Variants in PHF3 observed in about 807,000 individuals in gnomAD.
PHF3 encodes the protein PHD finger protein 3.
In PHF3, 41 loss-of-function variants were observed where a neutral mutation model predicts 178.4. The ratio of observed to expected loss-of-function variants is 0.23; its 90% CI spans 0.18 to 0.30. The LOEUF is 0.30. Ranked by LOEUF, PHF3 falls within the 10% of genes least tolerant of loss-of-function variation. PHF3 has a pLI of 1.00. For synonymous variants in PHF3, 842 were observed against 800.5 expected (o/e 1.05, Z -0.88); for missense variants, 2,346 against 2,398.1 (o/e 0.98, Z 0.45).
At chr6:63,708,322 A>G (rs769122307) in intron 13 of PHF3, among the ~76,000 whole-genome samples, 6 of 152,290 alleles carry the variant, frequency 3.9e-5, no homozygotes, top group East Asian at 1.9e-4. Context: ...TGGTCAGTCC[A>G]TGGTGAAGAT....
intron 6 of PHF3, among the ~76,000 whole-genome samples, chr6:63,696,073 C>T (rs1362929688): frequency 6.6e-6 from 1 of 152,150 alleles, no homozygotes; most frequent in Admixed American, 6.5e-5. Flanking sequence ...TGGCATGATG[C>T]ACAAAGGCAA....
chr6:63,672,884 C>G (rs1319039666), intron 2 of PHF3, among the ~76,000 whole-genome samples: 1 of 152,148 alleles, frequency 6.6e-6, no homozygotes, highest in Non-Finnish European at 1.5e-5. Context: ...GTAACCAATC[C>G]AGCTGTTTCT....
rs528742469 is a variant in PHF3 at position 63,717,828 on chromosome 6, A to T, written c.*4120A>T. Among the ~76,000 whole-genome samples the T allele has an allele frequency of 6.6e-6, 1 of 152,186 alleles. No homozygotes were observed. Among genetic ancestry groups the T allele is most frequent in the African/African-American group, 2.4e-5 (1 of 41,554 alleles). ...TTAAGATAATTTTGTCCTCAAAGTA[A>T]TGATTTTTTTCAGGAACTTATTATT... On this transcript the variant is annotated 3_prime_UTR_variant, in exon 16 of 16. Transcript: ENST00000262043.
rs532398796 is a variant in PHF3 at position 63,692,128 on chromosome 6, G to A, written c.2496+85G>A. The A allele has an allele frequency of 3.2e-5, 31 of 970,776 alleles. 2 individuals carry two copies. The South Asian group carries it at 5.8e-4, about 18-fold the overall frequency. 60.1% of individuals were successfully genotyped at this position (970,776 alleles called of 1,614,324 possible). On this transcript the variant is annotated intron_variant, in intron 5 of 15. Transcript: ENST00000262043. ...GCAATAATTTTGAAATTTCTCTTTAGAAGTTTTAATGTTCTTTTACATTTT... is the reference window on the plus strand; with the variant it reads ...GCAATAATTTTGAAATTTCTCTTTAAAAGTTTTAATGTTCTTTTACATTTT...
chr6:63,638,687 A>C (rs567630901), intron 1 of PHF3, among the ~76,000 whole-genome samples: 40 of 151,876 alleles, frequency 2.6e-4, no homozygotes, highest in Admixed American at 3.9e-4. Context: ...TGGCTGCTGG[A>C]TTTTTTTCTT....
Position 63,635,909 on chromosome 6 carries a change from C to A in PHF3, c.-267C>A, listed in dbSNP as rs934110012. ...CCGTCCCCACGCGGCAAGCGACCTT[C>A]GGGCTCAGGGCGGCGGCGGCTGCAA... On this transcript the variant is annotated 5_prime_UTR_variant, in exon 1 of 16. It introduces an in-frame stop codon into an upstream open reading frame of the 5' UTR. Transcript: ENST00000262043. The A allele has an allele frequency of 7.5e-6, 3 of 397,868 alleles. No individual in the cohort carries two copies. Among genetic ancestry groups the A allele is most frequent in the Admixed American group, 8.8e-5 (2 of 22,674 alleles). 24.6% of individuals were successfully genotyped at this position (397,868 alleles called of 1,614,324 possible). A position where few individuals can be genotyped will look rare whatever the true frequency, so the allele number is the denominator to read the frequency against.
rs1169858451 is a variant in PHF3, at chr6:63,698,365, G to T, written c.2823G>T (p.Lys941Asn). The T allele has an allele frequency of 6.2e-7, 1 of 1,605,266 alleles. No homozygotes were observed. The highest frequency in any genetic ancestry group is 8.5e-7 in the Non-Finnish European group (1 of 1,175,162). ...ATTCTCTCAAAGACATTCTTATGAAGAGGTAACATATATTTTTATTATAGA... is the reference window on the plus strand; with the variant it reads ...ATTCTCTCAAAGACATTCTTATGAATAGGTAACATATATTTTTATTATAGA... ...VRHSLKDILM[K>N]RLTDSNLKVP... Residue 941 changes from lysine (K) to asparagine (N), a missense_variant and splice_region_variant, in exon 7 of 16, where the codon AAG becomes AAT. Physicochemically the swap from Lys to Asn is moderately conservative, Grantham distance 94 (BLOSUM62 0). Around this residue, in one of 8 missense-constraint regions of PHF3, gnomAD observed 252 missense variants for 232.0 expected, o/e 1.09. Coordinates refer to ENST00000262043, the MANE Select transcript of PHF3 (RefSeq NM_001370348.2).
chr6:63,706,528 T>A (rs1268187101), intron 12 of PHF3, among the ~76,000 whole-genome samples: 2 of 152,226 alleles, frequency 1.3e-5, no homozygotes, highest in Non-Finnish European at 2.9e-5. Context: ...TTAGTTCTCC[T>A]AAGCCAGCCA....
intron 3 of PHF3, among the ~76,000 whole-genome samples, chr6:63,683,408 ACT>A (rs1172752650): frequency 2.0e-5 from 3 of 151,560 alleles, no homozygotes; most frequent in Non-Finnish European, 2.9e-5. Flanking sequence ...GGGAAATGAA[ACT>A]CTTTTCATTT....
At position 63,646,658 on chromosome 6, in the gene PHF3, C is replaced by A. The variant is rs1275087844; in HGVS notation, c.107C>A (p.Ala36Glu). The A allele has an allele frequency of 6.2e-7, 1 of 1,613,632 alleles. No individual in the cohort carries two copies. The highest frequency in any genetic ancestry group is 2.2e-5 in the East Asian group (1 of 44,844). Reference sequence around the variant, plus strand: ...AATGAAGTCTGTGAGGATTTTAGTGCAAGTCAAAATGTCTTAGAGGACTCG... The same window carrying A: ...AATGAAGTCTGTGAGGATTTTAGTGAAAGTCAAAATGTCTTAGAGGACTCG... The part of the protein sequence containing the change: ...LENEVCEDFS[A>E]SQNVLEDSLK... Residue 36 changes from alanine (A) to glutamate (E), a missense_variant, in exon 2 of 16, where the codon GCA (alanine) becomes GAA (glutamate). Physicochemically the swap from Ala to Glu is moderately radical, Grantham distance 107 (BLOSUM62 -1). Around this residue, in one of 8 missense-constraint regions of PHF3, gnomAD observed 843 missense variants for 795.2 expected, o/e 1.06. Transcript: ENST00000262043.
intron 13 of PHF3, among the ~76,000 whole-genome samples, chr6:63,707,927 C>T (rs186676150): frequency 1.8e-4 from 27 of 151,916 alleles, no homozygotes; most frequent in Non-Finnish European, 3.8e-4. Context: ...AGTGCAGTGG[C>T]GTGATCTTGG....
At position 63,711,702 on chromosome 6, in the gene PHF3, CCACCAATAG is replaced by C; in HGVS notation, c.4117_4125del (p.Pro1373_Ala1375del). 1 of 1,613,870 alleles carries C rather than the reference CCACCAATAG, an allele frequency of 6.2e-7. No homozygotes were observed. The highest frequency in any genetic ancestry group is 8.5e-7 in the Non-Finnish European group (1 of 1,179,856). On this transcript the variant is annotated inframe_deletion, in exon 16 of 16. Transcript: ENST00000262043. The stretch of plus-strand genomic sequence containing the variant: ...TATAGCTGAGACTCCTGAAAGTGCA[CCACCAATAG>C]CATTGCCACCTGATAAAAAAAGTAA...
intron 5 of PHF3, among the ~76,000 whole-genome samples, chr6:63,694,289 A>T (rs942271895): frequency 4.6e-5 from 7 of 152,198 alleles, no homozygotes; most frequent in African/African-American, 1.7e-4. Flanking sequence ...GAATATAGAT[A>T]CTTGTTTCTT....
Position 63,684,779 on chromosome 6 carries a change from C to T in PHF3, c.1057C>T (p.Pro353Ser). The change falls in exon 4 of 16, where the codon CCA (proline) becomes TCA (serine). Residue 353 changes from proline to serine, a missense_variant. Pro to Ser is a moderately conservative substitution (Grantham distance 74, BLOSUM62 -1). Transcript: ENST00000262043. ...TTCTAGTGATGCTGCTTGTACAAAT[C>T]CAAATAAGACAGAAAACAGCCTTGT... ...DISSDAACTNPNKTENSLVGL... is the reference protein window; with the variant it reads ...DISSDAACTNSNKTENSLVGL... The T allele has an allele frequency of 1.2e-6, 2 of 1,613,944 alleles. No homozygotes were observed. The highest frequency in any genetic ancestry group is 4.5e-5 in the East Asian group (2 of 44,864).
intron 2 of PHF3, among the ~76,000 whole-genome samples, chr6:63,653,033 TGTGG>T (rs1765083972): frequency 6.6e-6 from 1 of 150,896 alleles, no homozygotes; most frequent in Non-Finnish European, 1.5e-5. Context: ...TTTTTTTTTT[TGTGG>T]TTCTGTGTAT....
intron 4 of PHF3, among the ~76,000 whole-genome samples, chr6:63,689,270 T>C (rs1766888812): frequency 6.6e-6 from 1 of 152,170 alleles, no homozygotes; most frequent in Admixed American, 6.5e-5. Context: ...TTTCATGTTA[T>C]TTACCTTGTG....
At chr6:63,652,027 T>G (rs1326471790) in intron 2 of PHF3, among the ~76,000 whole-genome samples, 1 of 152,220 alleles carries the variant, frequency 6.6e-6, no homozygotes, top group Non-Finnish European at 1.5e-5. Context: ...GCAGAGATAC[T>G]GATTTCTTTT....
At chr6:63,665,489 T>TG (rs1765642722) in intron 2 of PHF3, among the ~76,000 whole-genome samples, 2 of 144,458 alleles carry the variant, frequency 1.4e-5, no homozygotes, top group African/African-American at 5.2e-5. Context: ...TTTTTTTGTT[T>TG]TTTTTTTTTT....
rs571741742 is a variant in PHF3 at position 63,644,695 on chromosome 6, G to A, written c.-25-1832G>A. On this transcript the variant is annotated intron_variant, in intron 1 of 15. Coordinates refer to ENST00000262043, the MANE Select transcript of PHF3 (RefSeq NM_001370348.2). Reference sequence around the variant, plus strand: ...TATTTAGAAGGACATTAACTTTTGTGAGAGAGGAATTTGCTTTTTTTTTAA... The same window carrying A: ...TATTTAGAAGGACATTAACTTTTGTAAGAGAGGAATTTGCTTTTTTTTTAA... 3.9e-5 allele frequency among the ~76,000 whole-genome samples: 6 copies of A among 152,170 alleles called. 1 individual carries two copies. In the South Asian group the frequency reaches 1.0e-3, roughly 26 times the overall value.
Sources: gnomAD v4.1 joint callset for allele counts (sites outside exome capture counted in the v4.1 genomes callset) on GRCh38, gnomAD v4.1.1 for gene constraint, gnomAD v4.1.1 regional missense constraint, MANE v1.5 for transcripts, NCBI Gene and HGNC (gene_info 2026-07-23, HGNC 2026-07-21) for gene names.